The following ASTN2 variants were observed in gnomAD, a reference collection of about 807,000 sequenced individuals.
The protein encoded by ASTN2 is astrotactin 2.
A neutral mutation model predicts 139.8 loss-of-function variants in ASTN2; 54 were observed. That is an observed-to-expected ratio of 0.39 (90% CI 0.31 to 0.48). The LOEUF (loss-of-function observed/expected upper bound fraction) is 0.48, where lower values mean the gene tolerates loss of function less well. ASTN2 is among the 20% of genes least tolerant of loss of function. ASTN2 has a pLI of 0.95. For missense variants in ASTN2, 1,565 were observed against 1,725.1 expected (o/e 0.91, Z 1.64); for synonymous variants, 756 against 719.5 (o/e 1.05, Z -0.81).
intron 3 of ASTN2, among the ~76,000 whole-genome samples, chr9:117,168,829 G>A (rs969877215): frequency 6.6e-6 from 1 of 152,026 alleles, no homozygotes; most frequent in African/African-American, 2.4e-5. Flanking sequence ...TAATGTTATT[G>A]CAGTTTGTTT....
intron 13 of ASTN2, among the ~76,000 whole-genome samples, chr9:116,736,744 C>A (rs975395839): frequency 6.6e-6 from 1 of 152,182 alleles, no homozygotes; most frequent in African/African-American, 2.4e-5. Context: ...AATCTGAAGG[C>A]AAATCTATCA....
At chr9:116,892,769 G>A (rs773054377) in intron 10 of ASTN2, among the ~76,000 whole-genome samples, 1 of 152,112 alleles carries the variant, frequency 6.6e-6, no homozygotes, top group Non-Finnish European at 1.5e-5. Context: ...TGGCTCAAAT[G>A]TCACCTGCTC....
At chr9:116,590,626 C>T (rs1172390326) in intron 19 of ASTN2, among the ~76,000 whole-genome samples, 1 of 152,196 alleles carries the variant, frequency 6.6e-6, no homozygotes, top group South Asian at 2.1e-4. Context: ...TGGCCTGAAC[C>T]CTGGGGGCTG....
intron 13 of ASTN2, among the ~76,000 whole-genome samples, chr9:116,759,390 G>A (rs553017008): frequency 5.9e-5 from 9 of 152,246 alleles, no homozygotes; most frequent in Non-Finnish European, 8.8e-5. Context: ...ATACATAACC[G>A]ATTGTTCGCA....
In ASTN2 at chr9:117,077,120, G is replaced by A. The variant is rs571021265; in HGVS notation, c.1276+18924C>T. On this transcript the variant is annotated intron_variant, in intron 5 of 22. Coordinates refer to ENST00000313400, the MANE Select transcript of ASTN2 (RefSeq NM_001365068.1). ...TAAATACATGTGGGAGAGCAGGCAG[G>A]GGAGAGAGACAGAGGTTGGGAGGAA... 2.1e-3 allele frequency among the ~76,000 whole-genome samples: 322 copies of A among 152,256 alleles called. 3 individuals are homozygous for A. The Middle Eastern group carries it at 0.075, about 35-fold the overall frequency.
At position 116,765,953 on chromosome 9, in the gene ASTN2, T is replaced by C. The variant is rs1363319469; in HGVS notation, c.2397-32430A>G. Among the ~76,000 whole-genome samples the C allele has an allele frequency of 2.0e-5, 3 of 152,112 alleles. No individual in the cohort carries two copies. In the East Asian group the frequency reaches 5.8e-4, roughly 29 times the overall value. On this transcript the variant is annotated intron_variant, in intron 13 of 22. Transcript: ENST00000313400. ...ATGCTAATTTTATTGGGGGAGGGAA[T>C]AAGCGTTGTGTGGCCTTGGGCAAAT...
At chr9:116,679,288 T>C (rs977339087) in intron 16 of ASTN2, among the ~76,000 whole-genome samples, 1 of 152,138 alleles carries the variant, frequency 6.6e-6, no homozygotes, top group Non-Finnish European at 1.5e-5. Flanking sequence ...ATTATGCCTC[T>C]TTCTAGCCTA....
intron 13 of ASTN2, among the ~76,000 whole-genome samples, chr9:116,754,885 A>G (rs1202779651): frequency 1.3e-5 from 2 of 152,180 alleles, no homozygotes; most frequent in Non-Finnish European, 2.9e-5. Context: ...GGAGAAATCA[A>G]CTTCTCTTCC....
chr9:116,561,978 G>A (rs1852936721), intron 19 of ASTN2: 2 of 152,288 alleles, frequency 1.3e-5, no homozygotes, highest in South Asian at 4.1e-4. Context: ...TCTTCTTCCT[G>A]AGAAGCCCTT....
At chr9:116,779,431 T>A (rs4837855) in intron 13 of ASTN2, among the ~76,000 whole-genome samples, 7,471 of 152,170 alleles carry the variant, frequency 0.049, 326 homozygotes, top group Admixed American at 0.13. Flanking sequence ...TGCTTTTATT[T>A]TGGACTTCCC....
intron 20 of ASTN2, 120 bp downstream of exon 20, chr9:116,487,239 C>A: frequency 8.0e-7 from 1 of 1,253,306 alleles, no homozygotes; most frequent in Non-Finnish European, 1.1e-6. Context: ...TCTCAAGTTG[C>A]ACATACAGGC....
rs1302246000 is a variant in ASTN2, at chr9:116,527,737, G to A, written c.3356-40237C>T. 2.0e-5 allele frequency among the ~76,000 whole-genome samples: 3 copies of A among 152,114 alleles called. No homozygotes were observed. The East Asian group carries it at 5.8e-4, about 29-fold the overall frequency. ...GTTGGGGAGGGGTTTGATGGGAGGT[G>A]ATTGGGTCATATGGGTGGTCACCCC... is the stretch of plus-strand genomic sequence containing the variant. On this transcript the variant is annotated intron_variant, in intron 19 of 22. Coordinates refer to ENST00000313400, the MANE Select transcript of ASTN2 (RefSeq NM_001365068.1).
chr9:116,800,125 A>G (rs1830805784), intron 13 of ASTN2, among the ~76,000 whole-genome samples: 1 of 151,970 alleles, frequency 6.6e-6, no homozygotes, highest in Non-Finnish European at 1.5e-5. Context: ...TTCTTTCTTG[A>G]TCTTTTCATG....
At chr9:116,613,131 G>C (rs1462410193) in intron 19 of ASTN2, 1 of 152,104 alleles carries the variant, frequency 6.6e-6, no homozygotes, top group Non-Finnish European at 1.5e-5. Context: ...AGAAGAAATG[G>C]ATAAATTCCT....
At chr9:117,012,225 A>G (rs184145791) in intron 6 of ASTN2, among the ~76,000 whole-genome samples, 175 of 152,276 alleles carry the variant, frequency 1.1e-3, no homozygotes, top group Non-Finnish European at 2.1e-3. Context: ...GAGAGCCAGA[A>G]TACAAGACTA....
chr9:117,117,911 C>T (rs779813114), intron 4 of ASTN2, among the ~76,000 whole-genome samples: 8 of 152,138 alleles, frequency 5.3e-5, no homozygotes, highest in Admixed American at 1.3e-4. Context: ...CACCCAAAGG[C>T]CCCTGCGTCT....
chr9:117,356,923 T>C (rs1340781195), intron 1 of ASTN2, among the ~76,000 whole-genome samples: 1 of 151,700 alleles, frequency 6.6e-6, no homozygotes, highest in Non-Finnish European at 1.5e-5. Flanking sequence ...ATTAGCCGGG[T>C]CTGGTGGGCG....
intron 22 of ASTN2, among the ~76,000 whole-genome samples, chr9:116,439,446 C>T (rs557402330): frequency 1.0e-4 from 14 of 139,594 alleles, no homozygotes; most frequent in Admixed American, 4.1e-4. Context: ...GTGATCCGCC[C>T]GCCTCGGCCT....
chr9:116,990,837 G>C (rs1336364637), intron 7 of ASTN2, among the ~76,000 whole-genome samples: 2 of 152,176 alleles, frequency 1.3e-5, no homozygotes, highest in African/African-American at 4.8e-5. Flanking sequence ...GCCTGCATCA[G>C]GCTTCACTAC....
Sources: allele counts gnomAD v4.1 joint callset (sites outside exome capture counted in the v4.1 genomes callset), GRCh38; gene constraint gnomAD v4.1.1; transcripts MANE v1.5; gene names NCBI Gene and HGNC (gene_info 2026-07-23, HGNC 2026-07-21).